The following CR1 variants were observed in gnomAD, a reference collection of about 807,000 sequenced individuals.
CR1 encodes the protein complement C3b/C4b receptor 1 (Knops blood group).
CR1 carries 116 observed loss-of-function variants against 187.3 expected under a neutral mutation model. The ratio of observed to expected loss-of-function variants is 0.62; its 90% confidence interval spans 0.53 to 0.72. The LOEUF (loss-of-function observed/expected upper bound fraction) is 0.72, where lower values mean the gene tolerates loss of function less well. Among genes scored for constraint, CR1 ranks in the 30% least tolerant of loss-of-function variants. The pLI is 0.00. For synonymous variants in CR1, 576 were observed against 747.1 expected, an observed-to-expected ratio of 0.77 and a Z score of 3.73; for missense variants, 1,731 against 2,110.7, an observed-to-expected ratio of 0.82 and a Z score of 3.52.
chr1:207,579,057 A>G (rs1365257304), intron 29 of CR1, among the ~76,000 whole-genome samples: 3 of 152,228 alleles, frequency 2.0e-5, no homozygotes, highest in African/African-American at 7.2e-5. Flanking sequence ...TTCTAAATTC[A>G]TGTTTAATGA....
rs758362113 is a variant in CR1 at position 207,611,932 on chromosome 1, C to T, written c.6473-7C>T. 5 of 1,613,770 alleles carry T rather than the reference C, an allele frequency of 3.1e-6. No homozygotes were observed. In the Admixed American group the frequency reaches 8.3e-5, roughly 27 times the overall value. On this transcript the variant is annotated splice_polypyrimidine_tract_variant and splice_region_variant and intron_variant, in intron 38 of 46. Transcript: ENST00000367049. ...ACTTACTCCTGTTGTTTTATTTTTT[C>T]TTCTAGTGAAATCCTGTGATGACTT...
intron 24 of CR1, 110 bp downstream of exon 24, chr1:207,566,033 AT>A: frequency 7.1e-7 from 1 of 1,400,902 alleles, no homozygotes; most frequent in Non-Finnish European, 9.8e-7. Flanking sequence ...TTAATTATCG[AT>A]TTAAAAATAG....
chr1:207,575,043 C>T (rs116146912), intron 27 of CR1, among the ~76,000 whole-genome samples: 2,628 of 152,156 alleles, frequency 0.017, 29 homozygotes, highest in Middle Eastern at 0.061. Flanking sequence ...ATGAAAAAGG[C>T]AGTGAAAGAA....
Position 207,639,628 on chromosome 1 carries a change from T to A in CR1, c.*219T>A. The stretch of plus-strand genomic sequence containing the variant: ...GTGAAACCCCCACCCTTCTGCCTCG[T>A]GCTAAACGCACACAGTATCTAGTCA... On this transcript the variant is annotated 3_prime_UTR_variant, in exon 47 of 47. Coordinates refer to ENST00000367049, the MANE Select transcript of CR1 (RefSeq NM_000651.6). 1 of 515,994 alleles carries A rather than the reference T, an allele frequency of 1.9e-6. No individual in the cohort carries two copies. The allele number at this position is 515,994 out of a possible 1,614,324, so 32.0% of individuals were successfully genotyped here.
chr1:207,576,752 C>A (rs12088854), intron 28 of CR1, among the ~76,000 whole-genome samples: 3 of 151,874 alleles, frequency 2.0e-5, no homozygotes, highest in African/African-American at 7.3e-5. Context: ...CCAGAGAGGT[C>A]GAGGCTGCAA....
At chr1:207,628,520 T>C (rs1288126513) in intron 45 of CR1, among the ~76,000 whole-genome samples, 1 of 152,236 alleles carries the variant, frequency 6.6e-6, no homozygotes, top group Non-Finnish European at 1.5e-5. Flanking sequence ...ATCATATTGT[T>C]ATCCCAAAGC....
Position 207,566,488 on chromosome 1 carries a change from A to G in CR1, c.3952+565A>G, listed in dbSNP as rs367597548. Among the ~76,000 whole-genome samples the G allele has an allele frequency of 1.0e-3, 154 of 150,292 alleles. 23 individuals carry two copies. The highest frequency in any genetic ancestry group is 3.7e-3 in the African/African-American group (147 of 39,744). On this transcript the variant is annotated intron_variant, in intron 24 of 46. Transcript: ENST00000367049. ...TTATATCAATGAACAAGATGGATGA[A>G]TTCCCTGTCCCCATGTTGTTTCTAC...
chr1:207,579,563 A>G (rs1280706211), intron 29 of CR1, among the ~76,000 whole-genome samples: 3 of 152,218 alleles, frequency 2.0e-5, no homozygotes, highest in Non-Finnish European at 4.4e-5. Flanking sequence ...ACAGTTTACA[A>G]ATGCCATGGC....
intron 4 of CR1, among the ~76,000 whole-genome samples, chr1:207,518,649 G>C (rs1052212721): frequency 2.6e-5 from 4 of 152,138 alleles, no homozygotes; most frequent in African/African-American, 7.2e-5. Flanking sequence ...GCTGGCAATC[G>C]TTGATGTTCC....
intron 43 of CR1, 66 bp from the exon 44 acceptor site, chr1:207,621,907 T>A (rs1450756985): frequency 7.6e-5 from 102 of 1,344,050 alleles, no homozygotes; most frequent in Non-Finnish European, 6.0e-5. Context: ...TGTCACTGGC[T>A]GAGAGGTCCT....
At chr1:207,615,149 A>G (rs1164086649) in intron 40 of CR1, among the ~76,000 whole-genome samples, 14 of 152,164 alleles carry the variant, frequency 9.2e-5, no homozygotes, top group Non-Finnish European at 1.6e-4. Context: ...ATCATAAACA[A>G]TTTAGTCAGC....
intron 45 of CR1, among the ~76,000 whole-genome samples, chr1:207,625,591 C>G (rs910152750): frequency 6.6e-6 from 1 of 152,208 alleles, no homozygotes; most frequent in African/African-American, 2.4e-5. Flanking sequence ...AATACAAGGC[C>G]AGTCACGTGG....
chr1:207,521,368 A>G (rs1659986996), intron 4 of CR1, among the ~76,000 whole-genome samples: 1 of 152,024 alleles, frequency 6.6e-6, no homozygotes, highest in African/African-American at 2.4e-5. Flanking sequence ...GTTTATGCTC[A>G]GTTCTCTCTC....
chr1:207,611,968 C>A lies in CR1; in HGVS notation c.6502C>A (p.Leu2168Ile), dbSNP rs369825592. The stretch of plus-strand genomic sequence containing the variant: ...ATCCTGTGATGACTTCCTGGGCCAA[C>A]TCCCTCATGGCCGTGTGCTACTTCC... ...VKSCDDFLGQ[L>I]PHGRVLLPLN... Residue 2168 changes from leucine to isoleucine, a missense_variant, in exon 39 of 47, where the codon CTC becomes ATC. Coordinates refer to ENST00000367049, the MANE Select transcript of CR1 (RefSeq NM_000651.6). The A allele has an allele frequency of 4.3e-6, 7 of 1,613,908 alleles. 1 individual carries two copies. In the South Asian group the frequency reaches 6.6e-5, roughly 15 times the overall value.
chr1:207,517,326 T>A (rs1446720551), intron 4 of CR1, among the ~76,000 whole-genome samples: 2 of 152,100 alleles, frequency 1.3e-5, no homozygotes, highest in African/African-American at 4.8e-5. Flanking sequence ...TGTAACATTG[T>A]AACATTGATT....
intron 41 of CR1, among the ~76,000 whole-genome samples, chr1:207,617,602 TATATATATATAG>T (rs1290857961): frequency 7.0e-4 from 21 of 30,142 alleles, no homozygotes; most frequent in East Asian, 1.3e-3. Flanking sequence ...TATATATATA[TATATATATATAG>T]AGAGAGAGAG....
intron 35 of CR1, among the ~76,000 whole-genome samples, chr1:207,593,092 A>AAAAAAAC (rs1553297031): frequency 6.6e-6 from 1 of 151,320 alleles, no homozygotes; most frequent in African/African-American, 2.4e-5. Context: ...TACAAAAAAA[A>AAAAAAAC]AAAAAAAAAA....
chr1:207,588,294 C>T (rs1019617230), intron 34 of CR1, among the ~76,000 whole-genome samples: 3 of 152,094 alleles, frequency 2.0e-5, no homozygotes, highest in African/African-American at 4.8e-5. Flanking sequence ...CTCAGCCTCT[C>T]GAGTAACTGG....
chr1:207,584,461 A>T (rs548308239), intron 32 of CR1, among the ~76,000 whole-genome samples, 188 bp from the exon 33 acceptor site: 1 of 152,336 alleles, frequency 6.6e-6, no homozygotes, highest in African/African-American at 2.4e-5. Flanking sequence ...ATAAACATTG[A>T]TTTAGTTGTC....
Sources: gnomAD v4.1 joint callset for allele counts (sites outside exome capture counted in the v4.1 genomes callset) on GRCh38, gnomAD v4.1.1 for gene constraint, MANE v1.5 for transcripts, NCBI Gene and HGNC (gene_info 2026-07-23, HGNC 2026-07-21) for gene names.